Variants in TRIM71 observed in about 807,000 individuals in gnomAD.
TRIM71 encodes tripartite motif containing 71.
In TRIM71, 9 loss-of-function variants were observed where a neutral mutation model predicts 61.2. The ratio of observed to expected loss-of-function variants is 0.15; its 90% CI spans 0.09 to 0.26. TRIM71 has a LOEUF of 0.26. Among genes scored for constraint, TRIM71 ranks in the 10% least tolerant of loss-of-function variants. The pLI is 1.00. For synonymous variants in TRIM71, 645 were observed against 553.2 expected, an observed-to-expected ratio of 1.17 and a Z score of -2.33; for missense variants, 998 against 1,238.7, an observed-to-expected ratio of 0.81 and a Z score of 2.92.
At chr3:32,863,319 C>G (rs896807045) in intron 1 of TRIM71, among the ~76,000 whole-genome samples, 1 of 146,554 alleles carries the variant, frequency 6.8e-6, no homozygotes, top group Non-Finnish European at 1.5e-5. Context: ...TCAAGCCATC[C>G]TTCTGCCTCA....
chr3:32,829,903 T>G (rs1696249887), intron 1 of TRIM71, among the ~76,000 whole-genome samples: 1 of 151,038 alleles, frequency 6.6e-6, no homozygotes, highest in Non-Finnish European at 1.5e-5. Flanking sequence ...ATCTGCTTAA[T>G]ACTAAATTTA....
chr3:32,834,084 C>T (rs747549938), intron 1 of TRIM71, among the ~76,000 whole-genome samples: 2 of 152,188 alleles, frequency 1.3e-5, no homozygotes, highest in African/African-American at 2.4e-5. Context: ...AAAACCACAG[C>T]TCTGTTCAGC....
chr3:32,848,514 G>A (rs1318880555), intron 1 of TRIM71, among the ~76,000 whole-genome samples: 1 of 152,120 alleles, frequency 6.6e-6, no homozygotes, highest in Non-Finnish European at 1.5e-5. Flanking sequence ...AAGAAATAAG[G>A]GGATTGTCTT....
chr3:32,829,922 ATTTTTT>A (rs11327826), intron 1 of TRIM71, among the ~76,000 whole-genome samples: 2 of 109,542 alleles, frequency 1.8e-5, no homozygotes, highest in East Asian at 2.6e-4. Flanking sequence ...TACTGCCTGA[ATTTTTT>A]TTTTTTTTTT....
intron 2 of TRIM71, among the ~76,000 whole-genome samples, chr3:32,883,687 A>G (rs990331743): frequency 6.6e-6 from 1 of 152,242 alleles, no homozygotes; most frequent in African/African-American, 2.4e-5. Context: ...TTGGAGGGAC[A>G]ATATTTAACC....
intron 1 of TRIM71, 59 bp from the exon 2 acceptor site, chr3:32,873,759 C>G: frequency 7.1e-7 from 1 of 1,399,482 alleles, no homozygotes; most frequent in South Asian, 1.9e-5. Context: ...CAGTTGCTGT[C>G]TTCCCTCCTC....
chr3:32,832,426 C>T (rs529541171), intron 1 of TRIM71, among the ~76,000 whole-genome samples: 1 of 152,280 alleles, frequency 6.6e-6, no homozygotes, highest in Admixed American at 6.5e-5. Flanking sequence ...TATGATCATG[C>T]CATTGCACTT....
rs542761420 is a variant in TRIM71, at chr3:32,861,264, G to A, written c.853-12554G>A. Among the ~76,000 whole-genome samples, 99 of 150,212 alleles carry A rather than the reference G, an allele frequency of 6.6e-4. 1 individual carries two copies. Among genetic ancestry groups the A allele is most frequent in the Non-Finnish European group, 1.1e-3 (72 of 67,534 alleles). ...ACGATCTCGGCTCACTGCAACCTCCGCCTCCAGGTTCAAGCAATTCTCCTG... is the reference window on the plus strand; with the variant it reads ...ACGATCTCGGCTCACTGCAACCTCCACCTCCAGGTTCAAGCAATTCTCCTG... On this transcript the variant is annotated intron_variant, in intron 1 of 3. Coordinates refer to ENST00000383763, the MANE Select transcript of TRIM71 (RefSeq NM_001039111.3).
rs557436636 is a variant in TRIM71, at chr3:32,846,713, A to G, written c.853-27105A>G. On this transcript the variant is annotated intron_variant, in intron 1 of 3. Transcript: ENST00000383763. Reference sequence around the variant, plus strand: ...CTCTGATATTCTACTCTCTACTTCTACTCTAGTTCTCTTCTCTCTACTTCT... The same window carrying G: ...CTCTGATATTCTACTCTCTACTTCTGCTCTAGTTCTCTTCTCTCTACTTCT... Among the ~76,000 whole-genome samples the G allele has an allele frequency of 2.7e-3, 344 of 126,420 alleles. 1 individual carries two copies. Among genetic ancestry groups the G allele is most frequent in the African/African-American group, 0.01 (333 of 32,076 alleles). 82.9% of individuals were successfully genotyped at this position (126,420 alleles called of 152,430 possible). A position where few individuals can be genotyped will look rare whatever the true frequency, so the allele number is the denominator to read the frequency against.
chr3:32,854,199 G>A (rs1696571872), intron 1 of TRIM71, among the ~76,000 whole-genome samples: 1 of 152,100 alleles, frequency 6.6e-6, no homozygotes, highest in Non-Finnish European at 1.5e-5. Flanking sequence ...TCACTATATT[G>A]ACCAGGGTGG....
chr3:32,847,359 G>T (rs2139197), intron 1 of TRIM71, among the ~76,000 whole-genome samples: 1 of 151,894 alleles, frequency 6.6e-6, no homozygotes, highest in Non-Finnish European at 1.5e-5. Context: ...ACCATGTCCC[G>T]CTAATTTTGT....
chr3:32,866,327 C>T lies in TRIM71; in HGVS notation c.853-7491C>T, dbSNP rs139168573. Among the ~76,000 whole-genome samples, 256 of 152,152 alleles carry T rather than the reference C, an allele frequency of 1.7e-3. 1 individual carries two copies. The highest frequency in any genetic ancestry group is 6.8e-3 in the Middle Eastern group (2 of 294). ...GCAGTGGCGTGATCTCGCCTCACTG[C>T]AATCTCTGCCCCCTGGGTTCAATCT... On this transcript the variant is annotated intron_variant, in intron 1 of 3. Coordinates refer to ENST00000383763, the MANE Select transcript of TRIM71 (RefSeq NM_001039111.3).
At chr3:32,852,811 T>TCAA (rs1461855688) in intron 1 of TRIM71, among the ~76,000 whole-genome samples, 7 of 150,322 alleles carry the variant, frequency 4.7e-5, no homozygotes, top group African/African-American at 9.8e-5. Flanking sequence ...GTATAAGCAA[T>TCAA]AATGAAACAT....
At chr3:32,838,917 C>T (rs1443091846) in intron 1 of TRIM71, among the ~76,000 whole-genome samples, 2 of 152,140 alleles carry the variant, frequency 1.3e-5, no homozygotes, top group Admixed American at 6.5e-5. Flanking sequence ...TCTCCTGCGT[C>T]AGCCTCCTGA....
At chr3:32,873,180 G>A (rs1240470859) in intron 1 of TRIM71, among the ~76,000 whole-genome samples, 3 of 148,384 alleles carry the variant, frequency 2.0e-5, no homozygotes, top group African/African-American at 4.9e-5. Flanking sequence ...TCAACTCCTT[G>A]GAATAACTTG....
At chr3:32,825,139 C>G (rs1376435521) in intron 1 of TRIM71, among the ~76,000 whole-genome samples, 1 of 152,142 alleles carries the variant, frequency 6.6e-6, no homozygotes, top group African/African-American at 2.4e-5. Context: ...GCTTAAATGT[C>G]TAGTTTCCTC....
intron 3 of TRIM71, among the ~76,000 whole-genome samples, chr3:32,888,970 T>G (rs1352381584): frequency 6.6e-6 from 1 of 152,256 alleles, no homozygotes; most frequent in Non-Finnish European, 1.5e-5. Context: ...TTGCCTAGTC[T>G]CAACCTGTAG....
intron 1 of TRIM71, among the ~76,000 whole-genome samples, chr3:32,851,843 A>G (rs1696541987): frequency 6.6e-6 from 1 of 152,154 alleles, no homozygotes; most frequent in Non-Finnish European, 1.5e-5. Context: ...GGGAAACTTA[A>G]TTATTTCAAA....
intron 1 of TRIM71, among the ~76,000 whole-genome samples, chr3:32,836,263 GA>G (rs555764580): frequency 4.2e-4 from 61 of 144,874 alleles, no homozygotes; most frequent in African/African-American, 1.4e-3. Flanking sequence ...TCAATCTAAT[GA>G]AAAAAATGGC....
Sources: allele counts gnomAD v4.1 joint callset (sites outside exome capture counted in the v4.1 genomes callset), GRCh38; gene constraint gnomAD v4.1.1; transcripts MANE v1.5; gene names NCBI Gene and HGNC (gene_info 2026-07-23, HGNC 2026-07-21).